Variants in LOXHD1 observed in about 807,000 individuals in gnomAD.
LOXHD1 encodes the protein lipoxygenase homology domain-containing protein 1.
A neutral mutation model predicts 248.2 loss-of-function variants in LOXHD1; 205 were observed. The observed-to-expected ratio is 0.83, with a 90% confidence interval of 0.74 to 0.93. LOXHD1 has a LOEUF of 0.93. Among genes scored for constraint, LOXHD1 ranks in the 40% least tolerant of loss-of-function variants. The pLI, the probability that LOXHD1 is intolerant of heterozygous loss-of-function variation, is 0.00. For missense variants in LOXHD1, 2,930 were observed against 2,971.6 expected (o/e 0.99, Z 0.33); for synonymous variants, 1,113 against 1,162.8 (o/e 0.96, Z 0.87).
At position 46,556,176 on chromosome 18, in the gene LOXHD1, T is replaced by C. The variant is rs188239964; in HGVS notation, c.3350+1180A>G. Among the ~76,000 whole-genome samples the C allele has an allele frequency of 1.5e-4, 23 of 152,128 alleles. No individual in the cohort carries two copies. The East Asian group carries it at 3.5e-3, about 23-fold the overall frequency. On this transcript the variant is annotated intron_variant, in intron 21 of 40. Transcript: ENST00000642948. ...TTTAGGCATCATCTATGACTGCTTTTGTGTTACACCAGCAAAGCTGTTGTT... is the reference window on the plus strand; with the variant it reads ...TTTAGGCATCATCTATGACTGCTTTCGTGTTACACCAGCAAAGCTGTTGTT...
intron 21 of LOXHD1, chr18:46,556,596 C>A (rs1277105247): frequency 6.3e-6 from 1 of 157,972 alleles, no homozygotes; most frequent in Admixed American, 6.5e-5. Flanking sequence ...AGATGTCACG[C>A]AGCCCACTCT....
At chr18:46,606,761 A>G (rs1030933736) in intron 6 of LOXHD1, among the ~76,000 whole-genome samples, 1 of 152,232 alleles carries the variant, frequency 6.6e-6, no homozygotes, top group Admixed American at 6.5e-5. Context: ...TATACAGTAT[A>G]TAGCATAATT....
At chr18:46,599,248 A>G (rs1175802377) in intron 8 of LOXHD1, among the ~76,000 whole-genome samples, 2 of 152,190 alleles carry the variant, frequency 1.3e-5, no homozygotes, top group Non-Finnish European at 2.9e-5. Flanking sequence ...AATTATCTAA[A>G]CCACTTGCTA....
At chr18:46,556,609 G>A in intron 21 of LOXHD1, 1 of 160,554 alleles carries the variant, frequency 6.2e-6, no homozygotes, top group Non-Finnish European at 1.4e-5. Flanking sequence ...CCCACTCTCA[G>A]CCTCAGACAT....
At position 46,601,278 on chromosome 18, in the gene LOXHD1, A is replaced by AG; in HGVS notation, c.1072dup (p.Leu358ProfsTer20). On this transcript the variant is annotated frameshift_variant, in exon 8 of 41. Transcript: ENST00000642948. LOFTEE classifies it high-confidence loss of function. ...GCCATGCCCGACGGAGACCCGACTC[A>AG]GGGGGCTAAGGAGGACAGCCAGCTC... 6.4e-7 allele frequency: 1 copy of AG among 1,551,720 alleles called. No homozygotes were observed. Among genetic ancestry groups the AG allele is most frequent in the Non-Finnish European group, 8.7e-7 (1 of 1,146,992 alleles).
intron 1 of LOXHD1, among the ~76,000 whole-genome samples, chr18:46,653,194 G>A (rs2039134534): frequency 2.0e-5 from 3 of 152,076 alleles, no homozygotes; most frequent in South Asian, 2.1e-4. Context: ...TTGCAGTGAG[G>A]CGAGATCACG....
chr18:46,510,237 A>G (rs1265896145), intron 34 of LOXHD1, among the ~76,000 whole-genome samples: 3 of 152,236 alleles, frequency 2.0e-5, no homozygotes, highest in Admixed American at 1.3e-4. Context: ...AAAGCTGTAA[A>G]TGAGATTCTG....
intron 6 of LOXHD1, among the ~76,000 whole-genome samples, chr18:46,609,087 C>T (rs766546655): frequency 1.3e-5 from 2 of 152,202 alleles, no homozygotes; most frequent in Non-Finnish European, 2.9e-5. Flanking sequence ...AGAAAACAGT[C>T]TTTATGCCCC....
chr18:46,646,571 G>A (rs2039033389), intron 2 of LOXHD1, among the ~76,000 whole-genome samples: 1 of 152,098 alleles, frequency 6.6e-6, no homozygotes, highest in African/African-American at 2.4e-5. Flanking sequence ...TTCCAGCAAG[G>A]CCTTCTTCAG....
chr18:46,624,735 A>G lies in LOXHD1; in HGVS notation c.512-6445T>C, dbSNP rs1028307213. Among the ~76,000 whole-genome samples, 3 of 152,176 alleles carry G rather than the reference A, an allele frequency of 2.0e-5. No homozygotes were observed. In the East Asian group the frequency reaches 5.8e-4, roughly 29 times the overall value. On this transcript the variant is annotated intron_variant, in intron 4 of 40. Transcript: ENST00000642948. ...ATGCTCTCTGCTCCTGGGACCACAC[A>G]CAAGGCACTGGGACGATGGATGACA...
At chr18:46,481,273 G>A (rs764286006) in intron 40 of LOXHD1, among the ~76,000 whole-genome samples, 13 of 152,164 alleles carry the variant, frequency 8.5e-5, no homozygotes, top group Non-Finnish European at 1.6e-4. Flanking sequence ...CCTTCTGGAC[G>A]AAGGTGGTAT....
intron 2 of LOXHD1, among the ~76,000 whole-genome samples, chr18:46,644,198 T>G (rs1177716849): frequency 6.6e-6 from 1 of 152,234 alleles, no homozygotes; most frequent in African/African-American, 2.4e-5. Context: ...TGGGAATTAC[T>G]GGGCTTCATC....
At chr18:46,642,151 A>G in intron 2 of LOXHD1, 115 bp from the exon 3 acceptor site, 1 of 910,906 alleles carries the variant, frequency 1.1e-6, no homozygotes, top group Non-Finnish European at 1.7e-6. Flanking sequence ...GGGGAGAGCT[A>G]TGAGCAACAA....
intron 34 of LOXHD1, among the ~76,000 whole-genome samples, chr18:46,516,108 T>G (rs2035235876): frequency 6.6e-6 from 1 of 152,220 alleles, no homozygotes; most frequent in Admixed American, 6.5e-5. Flanking sequence ...GTAGAGAGTT[T>G]CTGTTCTCAT....
chr18:46,549,262 G>C (rs1292526072), intron 21 of LOXHD1, among the ~76,000 whole-genome samples: 3 of 152,152 alleles, frequency 2.0e-5, no homozygotes, highest in African/African-American at 7.2e-5. Flanking sequence ...AAAGAGTAAG[G>C]GCTTCTGTAA....
intron 40 of LOXHD1, among the ~76,000 whole-genome samples, chr18:46,483,308 T>G: frequency 6.6e-6 from 1 of 152,186 alleles, no homozygotes. Flanking sequence ...TTTGACTTTC[T>G]CAGTATCCTT....
At chr18:46,486,211 G>T (rs2033040852) in intron 38 of LOXHD1, among the ~76,000 whole-genome samples, 1 of 152,136 alleles carries the variant, frequency 6.6e-6, no homozygotes, top group Non-Finnish European at 1.5e-5. Context: ...AGTGTCCCCA[G>T]ACATAGACCC....
intron 5 of LOXHD1, among the ~76,000 whole-genome samples, chr18:46,616,534 G>C (rs1568218401): frequency 6.6e-6 from 1 of 152,256 alleles, no homozygotes; most frequent in East Asian, 1.9e-4. Flanking sequence ...TGCTTGCTTA[G>C]ATTCATTACA....
At position 46,563,235 on chromosome 18, in the gene LOXHD1, C is replaced by A; in HGVS notation, c.2438-10G>T. ...ACCTCATAGTGGACCACTGGGTGGG[C>A]ACGTGCAGAAGAAGTGGAACATTTA... On this transcript the variant is annotated splice_polypyrimidine_tract_variant and intron_variant, in intron 17 of 40. Transcript: ENST00000642948. 2 of 1,487,296 alleles carry A rather than the reference C, an allele frequency of 1.3e-6. No individual in the cohort carries two copies. The highest frequency in any genetic ancestry group is 1.8e-6 in the Non-Finnish European group (2 of 1,101,692). 92.1% of individuals were successfully genotyped at this position (1,487,296 alleles called of 1,614,324 possible). A position where few individuals can be genotyped will look rare whatever the true frequency, so the allele number is the denominator to read the frequency against.
Sources: gnomAD v4.1 joint callset for allele counts (sites outside exome capture counted in the v4.1 genomes callset) on GRCh38, gnomAD v4.1.1 for gene constraint, MANE v1.5 for transcripts, NCBI Gene and HGNC (gene_info 2026-07-23, HGNC 2026-07-21) for gene names.